The following CAPN7 variants were observed in gnomAD, a reference collection of about 807,000 sequenced individuals.
The protein encoded by CAPN7 is calpain 7, also known as calpain-7.
Under a neutral mutation model 115.2 loss-of-function variants are expected in CAPN7, and 72 were observed. The observed-to-expected ratio is 0.63, with a 90% confidence interval of 0.52 to 0.76. The LOEUF (loss-of-function observed/expected upper bound fraction) is 0.76, where lower values mean the gene tolerates loss of function less well. Ranked by LOEUF, CAPN7 falls within the 30% of genes least tolerant of loss-of-function variation. The pLI is 0.00. For synonymous variants in CAPN7, 344 were observed against 322.3 expected (o/e 1.07, Z -0.72); for missense variants, 905 against 971.5 (o/e 0.93, Z 0.91).
At chr3:15,221,025 A>G (rs769800670) in intron 5 of CAPN7, 44 bp downstream of exon 5, 2 of 1,468,140 alleles carry the variant, frequency 1.4e-6, no homozygotes, top group Non-Finnish European at 1.9e-6. Flanking sequence ...TTTTGTTAAC[A>G]TGAATGCAGA....
intron 18 of CAPN7, 66 bp from the exon 19 acceptor site, chr3:15,247,258 AAGG>A (rs1695720190): frequency 9.1e-7 from 1 of 1,098,816 alleles, no homozygotes; most frequent in Non-Finnish European, 1.2e-6. Context: ...TTGAGATGGA[AAGG>A]AGTTTTGTCT....
At chr3:15,227,641 G>A (rs1220360992) in intron 6 of CAPN7, among the ~76,000 whole-genome samples, 198 bp from the exon 7 acceptor site, 4 of 151,524 alleles carry the variant, frequency 2.6e-5, no homozygotes, top group Non-Finnish European at 5.9e-5. Flanking sequence ...AATTATTTAG[G>A]TATATTTTTT....
chr3:15,252,893 T>C lies in CAPN7; in HGVS notation c.*1633T>C, dbSNP rs1389043781. 6.8e-6 allele frequency: 1 copy of C among 146,002 alleles called. No homozygotes were observed. The highest frequency in any genetic ancestry group is 1.5e-5 in the Non-Finnish European group (1 of 68,016). 9.0% of individuals were successfully genotyped at this position (146,002 alleles called of 1,614,324 possible). A position where few individuals can be genotyped will look rare whatever the true frequency, so the allele number is the denominator to read the frequency against. On this transcript the variant is annotated 3_prime_UTR_variant, in exon 21 of 21. Transcript: ENST00000253693. Reference sequence around the variant, plus strand: ...ATATTTTTCTTTTTAATCTTCCCAATAGCTGAATAAAGTATAGATACTATT... The same window carrying C: ...ATATTTTTCTTTTTAATCTTCCCAACAGCTGAATAAAGTATAGATACTATT...
Position 15,245,556 on chromosome 3 carries a change from G to A in CAPN7, c.1895G>A (p.Arg632Gln), listed in dbSNP as rs768118306. The change falls in exon 17 of 21, where the codon CGA becomes CAA. Residue 632 changes from arginine (R) to glutamine (Q), a missense_variant. Transcript: ENST00000253693. ...ADPPPYIDGI[R>Q]INSPHYLTKI... ...CCACCTCCATACATTGATGGAATTC[G>A]AATTAACAGCCCTCATTATTTGACT... The A allele has an allele frequency of 3.1e-6, 5 of 1,613,568 alleles. No homozygotes were observed. The highest frequency in any genetic ancestry group is 1.7e-5 in the Admixed American group (1 of 59,942).
At chr3:15,206,971 T>C (rs1173977070) in intron 1 of CAPN7, among the ~76,000 whole-genome samples, 1 of 152,246 alleles carries the variant, frequency 6.6e-6, no homozygotes, top group Non-Finnish European at 1.5e-5. Flanking sequence ...AAATAATGCA[T>C]GCTCGTTAAA....
At chr3:15,208,808 G>A in intron 1 of CAPN7, among the ~76,000 whole-genome samples, 1 of 152,128 alleles carries the variant, frequency 6.6e-6, no homozygotes, top group Admixed American at 6.5e-5. Flanking sequence ...CTCCAATTCT[G>A]AGGATTTGCA....
At chr3:15,236,656 A>C (rs912870734) in intron 12 of CAPN7, among the ~76,000 whole-genome samples, 1 of 152,262 alleles carries the variant, frequency 6.6e-6, no homozygotes, top group Non-Finnish European at 1.5e-5. Flanking sequence ...GGTACAGCCT[A>C]CTATACACCC....
intron 2 of CAPN7, among the ~76,000 whole-genome samples, chr3:15,212,516 T>G (rs1364814345): frequency 6.6e-6 from 1 of 152,228 alleles, no homozygotes; most frequent in Non-Finnish European, 1.5e-5. Flanking sequence ...TCAGTTAAAG[T>G]CTGCTTTTAA....
At chr3:15,249,006 C>CAAAAAAAAAAAAAAAAAAAAAAAAAAA (rs1460568964) in intron 19 of CAPN7, among the ~76,000 whole-genome samples, 2 of 50,706 alleles carry the variant, frequency 3.9e-5, no homozygotes, top group African/African-American at 9.6e-5. Flanking sequence ...ATACAACAAC[C>CAAAAAAAAAAAAAAAAAAAAAAAAAAA]AAAAAAAAAA....
In CAPN7 at chr3:15,218,482, A is replaced by G; in HGVS notation, c.379A>G (p.Thr127Ala). The change falls in exon 4 of 21, where the codon ACT becomes GCT. Residue 127 changes from threonine to alanine, a missense_variant. By Grantham distance (58) the Thr-to-Ala change is moderately conservative (BLOSUM62 0). Around this residue, in one of 3 missense-constraint regions of CAPN7, gnomAD observed 271 missense variants for 239.6 expected, o/e 1.13. Coordinates refer to ENST00000253693, the MANE Select transcript of CAPN7 (RefSeq NM_014296.3). ...VDLCLKTSYE[T>A]ADKVLQNKLK... ...CTTTCTTTCTCTTAAGTCTTATGAA[A>G]CTGCTGATAAAGTCCTGCAAAATAA... is the stretch of plus-strand genomic sequence containing the variant. The G allele has an allele frequency of 6.2e-7, 1 of 1,610,782 alleles. No individual in the cohort carries two copies. The highest frequency in any genetic ancestry group is 1.1e-5 in the South Asian group (1 of 90,988).
chr3:15,217,624 C>G, intron 3 of CAPN7, 42 bp downstream of exon 3: 2 of 1,479,370 alleles, frequency 1.4e-6, no homozygotes, highest in African/African-American at 1.4e-5. Flanking sequence ...TTATGCCAAA[C>G]CATTTCTTCT....
intron 12 of CAPN7, among the ~76,000 whole-genome samples, chr3:15,238,854 T>A (rs937678630): frequency 2.0e-5 from 3 of 147,858 alleles, no homozygotes; most frequent in African/African-American, 7.6e-5. Flanking sequence ...ATCAAATTTT[T>A]TTTTTTTTTT....
At chr3:15,227,686 T>C (rs1291617555) in intron 6 of CAPN7, among the ~76,000 whole-genome samples, 153 bp from the exon 7 acceptor site, 1 of 152,124 alleles carries the variant, frequency 6.6e-6, no homozygotes. Flanking sequence ...CTGGACTCTA[T>C]AAAGAGCCAG....
intron 1 of CAPN7, among the ~76,000 whole-genome samples, chr3:15,211,411 A>G (rs557020013): frequency 1.3e-5 from 2 of 152,328 alleles, no homozygotes; most frequent in South Asian, 4.1e-4. Flanking sequence ...GTTTATAATC[A>G]GTTCCTTATG....
At chr3:15,223,382 A>C (rs1694116736) in intron 5 of CAPN7, 93 bp from the exon 6 acceptor site, 3 of 792,464 alleles carry the variant, frequency 3.8e-6, no homozygotes, top group Non-Finnish European at 6.7e-6. Flanking sequence ...TTAATACAGT[A>C]TCATACCTTG....
chr3:15,247,311 CTT>C lies in CAPN7; in HGVS notation c.2074-13_2074-12del, dbSNP rs755029418. The C allele has an allele frequency of 2.7e-6, 4 of 1,486,570 alleles. No homozygotes were observed. In the Admixed American group the frequency reaches 7.3e-5, roughly 27 times the overall value. The allele number at this position is 1,486,570 out of a possible 1,614,324, so 92.1% of individuals were successfully genotyped here. A position where few individuals can be genotyped will look rare whatever the true frequency, so the allele number is the denominator to read the frequency against. On this transcript the variant is annotated splice_polypyrimidine_tract_variant and intron_variant, in intron 18 of 20. Coordinates refer to ENST00000253693, the MANE Select transcript of CAPN7 (RefSeq NM_014296.3). ...AAATGAAATTTTGTTAATACTAAAA[CTT>C]TTGTTTTTATTAGATTAATGGAAAG...
At position 15,239,396 on chromosome 3, in the gene CAPN7, C is replaced by T. The variant is rs559802337; in HGVS notation, c.1408-1077C>T. ...GGATTTACCACCTCTTTTATTTTCC[C>T]GAATCAATGTAATCAATTCTGTAGA... On this transcript the variant is annotated intron_variant, in intron 12 of 20. Transcript: ENST00000253693. Among the ~76,000 whole-genome samples the T allele has an allele frequency of 4.0e-3, 607 of 152,232 alleles. 5 individuals carry two copies. Among genetic ancestry groups the T allele is most frequent in the African/African-American group, 0.014 (588 of 41,534 alleles).
chr3:15,250,879 C>CA, intron 19 of CAPN7, 52 bp from the exon 20 acceptor site: 4 of 1,274,370 alleles, frequency 3.1e-6, no homozygotes, highest in Non-Finnish European at 4.5e-6. Flanking sequence ...TATTTTAAAT[C>CA]ACGTTTGAGA....
intron 19 of CAPN7, among the ~76,000 whole-genome samples, chr3:15,249,932 T>A (rs1369833401): frequency 6.6e-6 from 1 of 151,752 alleles, no homozygotes; most frequent in Non-Finnish European, 1.5e-5. Flanking sequence ...GCGCAGCTAA[T>A]TTTTGTATTT....
Sources: allele counts gnomAD v4.1 joint callset (sites outside exome capture counted in the v4.1 genomes callset), GRCh38; gene constraint gnomAD v4.1.1; regional missense constraint gnomAD v4.1.1; transcripts MANE v1.5; gene names NCBI Gene and HGNC (gene_info 2026-07-23, HGNC 2026-07-21).